The following ANKRD11 variants were observed in gnomAD, a reference collection of about 807,000 sequenced individuals.
ANKRD11 encodes the protein ankyrin repeat domain-containing protein 11.
A neutral mutation model predicts 195.7 loss-of-function variants in ANKRD11; 17 were observed. The ratio of observed to expected loss-of-function variants is 0.09; its 90% CI spans 0.06 to 0.13. The LOEUF (loss-of-function observed/expected upper bound fraction) is 0.13, where lower values mean the gene tolerates loss of function less well. Among genes scored for constraint, ANKRD11 ranks in the 10% least tolerant of loss-of-function variants. The pLI is 1.00. For synonymous variants in ANKRD11, 1,953 were observed against 1,528.1 expected, an observed-to-expected ratio of 1.28 and a Z score of -6.49; for missense variants, 3,735 against 3,566.1, an observed-to-expected ratio of 1.05 and a Z score of -1.21.
At chr16:89,408,676 T>G (rs2042002875) in intron 2 of ANKRD11, among the ~76,000 whole-genome samples, 1 of 146,966 alleles carries the variant, frequency 6.8e-6, no homozygotes, top group Admixed American at 6.7e-5. Flanking sequence ...CCACCCTCCC[T>G]AGAGTCCAGC....
chr16:89,446,765 T>G (rs756989290), intron 1 of ANKRD11, among the ~76,000 whole-genome samples: 1 of 152,096 alleles, frequency 6.6e-6, no homozygotes, highest in African/African-American at 2.4e-5. Context: ...TCCTGTCCAG[T>G]GAGCACCAAG....
chr16:89,298,533 C>G (rs951607146), intron 4 of ANKRD11, among the ~76,000 whole-genome samples: 2 of 152,220 alleles, frequency 1.3e-5, no homozygotes, highest in Admixed American at 6.5e-5. Flanking sequence ...TAGCAGACGG[C>G]CCCTGCCCGC....
intron 2 of ANKRD11, among the ~76,000 whole-genome samples, chr16:89,387,138 G>A (rs977250783): frequency 2.0e-5 from 3 of 152,046 alleles, no homozygotes; most frequent in African/African-American, 7.2e-5. Flanking sequence ...GGAGAGGTAG[G>A]TCACACAGCC....
At chr16:89,425,536 G>A (rs909267689) in intron 1 of ANKRD11, among the ~76,000 whole-genome samples, 6 of 152,162 alleles carry the variant, frequency 3.9e-5, no homozygotes, top group Non-Finnish European at 5.9e-5. Flanking sequence ...ACAATCCCAA[G>A]GCCAGCTGGT....
At chr16:89,275,787 C>T (rs908710987) in intron 9 of ANKRD11, among the ~76,000 whole-genome samples, 9 of 152,126 alleles carry the variant, frequency 5.9e-5, no homozygotes, top group South Asian at 2.1e-4. Flanking sequence ...AGAGGTGGGT[C>T]GGCCATTCTG....
intron 2 of ANKRD11, among the ~76,000 whole-genome samples, chr16:89,333,617 T>C (rs1005266019): frequency 6.6e-6 from 1 of 152,046 alleles, no homozygotes; most frequent in Non-Finnish European, 1.5e-5. Flanking sequence ...AACCCTACAG[T>C]GTGTAGTCCT....
chr16:89,454,782 G>GC (rs2056355478), intron 1 of ANKRD11, among the ~76,000 whole-genome samples: 1 of 97,014 alleles, frequency 1.0e-5, no homozygotes, highest in African/African-American at 3.7e-5. Context: ...TCCCCTGGGT[G>GC]CTTCTAGGGT....
At chr16:89,455,628 G>C (rs1021374170) in intron 1 of ANKRD11, among the ~76,000 whole-genome samples, 1 of 152,014 alleles carries the variant, frequency 6.6e-6, no homozygotes, top group Non-Finnish European at 1.5e-5. Flanking sequence ...TAATGAAAAA[G>C]CTGCTCGATT....
At chr16:89,301,135 C>T (rs1347435572) in intron 4 of ANKRD11, among the ~76,000 whole-genome samples, 1 of 152,210 alleles carries the variant, frequency 6.6e-6, no homozygotes, top group Non-Finnish European at 1.5e-5. Flanking sequence ...TGGACAGGGT[C>T]TCACTCTGTC....
intron 4 of ANKRD11, among the ~76,000 whole-genome samples, chr16:89,303,049 T>C (rs1474095147): frequency 1.3e-5 from 2 of 152,084 alleles, no homozygotes; most frequent in Non-Finnish European, 1.5e-5. Flanking sequence ...CTCTGCACCA[T>C]GATGAAACGG....
At chr16:89,286,604 GGA>G (rs914883771) in intron 7 of ANKRD11, 3 of 1,145,622 alleles carry the variant, frequency 2.6e-6, no homozygotes, top group Non-Finnish European at 2.2e-6. Context: ...AAGAGGTTAG[GGA>G]GAAGAGTGTT....
At chr16:89,337,185 C>CA (rs2038406807) in intron 2 of ANKRD11, among the ~76,000 whole-genome samples, 1 of 151,374 alleles carries the variant, frequency 6.6e-6, no homozygotes, top group Non-Finnish European at 1.5e-5. Context: ...GACCCTGTCT[C>CA]AAAAAACAAA....
At chr16:89,420,406 T>C (rs1471145083) in intron 1 of ANKRD11, 2 of 152,202 alleles carry the variant, frequency 1.3e-5, no homozygotes, top group African/African-American at 4.8e-5. Flanking sequence ...CAACCAAAAA[T>C]GTCTCCAGAC....
At chr16:89,356,207 C>G (rs557835443) in intron 2 of ANKRD11, among the ~76,000 whole-genome samples, 2 of 152,278 alleles carry the variant, frequency 1.3e-5, no homozygotes, top group Admixed American at 1.3e-4. Flanking sequence ...TTATAGGTTA[C>G]AAACAATGAA....
At chr16:89,432,095 A>T (rs767524177) in intron 1 of ANKRD11, among the ~76,000 whole-genome samples, 1 of 152,076 alleles carries the variant, frequency 6.6e-6, no homozygotes, top group African/African-American at 2.4e-5. Context: ...CTCCACCTCC[A>T]GCCACACACA....
intron 1 of ANKRD11, among the ~76,000 whole-genome samples, chr16:89,473,085 G>A (rs2057142001): frequency 6.6e-6 from 1 of 152,014 alleles, no homozygotes; most frequent in South Asian, 2.1e-4. Context: ...CAGCTACCCA[G>A]GACAGCTTGG....
chr16:89,448,593 G>C (rs1157444001), intron 1 of ANKRD11, among the ~76,000 whole-genome samples: 2 of 152,070 alleles, frequency 1.3e-5, no homozygotes, highest in Non-Finnish European at 2.9e-5. Context: ...TTTTATAAAG[G>C]ACATAAGCAC....
At chr16:89,362,316 G>C (rs138996843) in intron 2 of ANKRD11, among the ~76,000 whole-genome samples, 2 of 152,358 alleles carry the variant, frequency 1.3e-5, no homozygotes, top group African/African-American at 4.8e-5. Flanking sequence ...GTCTGCCTGA[G>C]TGAAACCTCA....
intron 2 of ANKRD11, among the ~76,000 whole-genome samples, chr16:89,368,371 G>GTGT (rs2040040256): frequency 1.8e-5 from 1 of 56,612 alleles, no homozygotes; most frequent in African/African-American, 4.8e-5. Flanking sequence ...TAATTTTTGT[G>GTGT]TTTTTTTTTT....
Sources: gnomAD v4.1 joint callset for allele counts (sites outside exome capture counted in the v4.1 genomes callset) on GRCh38, gnomAD v4.1.1 for gene constraint, MANE v1.5 for transcripts, NCBI Gene and HGNC (gene_info 2026-07-23, HGNC 2026-07-21) for gene names.